Variants in HS6ST2 observed in about 807,000 individuals in gnomAD.
HS6ST2 encodes the protein heparan sulfate 6-O-sulfotransferase 2.
Under a neutral mutation model 33.0 loss-of-function variants are expected in HS6ST2, and 17 were observed. That is an observed-to-expected ratio of 0.52 (90% confidence interval 0.35 to 0.77). HS6ST2 has a LOEUF of 0.77. HS6ST2 is among the 30% of genes least tolerant of loss of function. The pLI, the probability that HS6ST2 is intolerant of heterozygous loss-of-function variation, is 0.01. For synonymous variants in HS6ST2, 248 were observed against 237.1 expected, an observed-to-expected ratio of 1.05 and a Z score of -0.42; for missense variants, 519 against 551.7, an observed-to-expected ratio of 0.94 and a Z score of 0.59.
chrX:132,854,158 C>T (rs2065830417), intron 2 of HS6ST2, among the ~76,000 whole-genome samples: 1 of 112,523 alleles, frequency 8.9e-6, no homozygotes, highest in South Asian at 3.7e-4. Flanking sequence ...ACAGCTTTTA[C>T]TCTATCGCTA....
intron 2 of HS6ST2, among the ~76,000 whole-genome samples, chrX:132,923,254 C>G (rs753985647): frequency 1.8e-5 from 2 of 110,771 alleles, no homozygotes; most frequent in South Asian, 7.8e-4. Context: ...TCTTATCAGA[C>G]TTAAGGTCTG....
intron 2 of HS6ST2, among the ~76,000 whole-genome samples, chrX:132,723,424 C>T (rs1463685692): frequency 9.0e-6 from 1 of 111,716 alleles, no homozygotes; most frequent in South Asian, 3.8e-4. Flanking sequence ...AAATCCTCAA[C>T]AAAACACTAG....
At chrX:132,840,584 G>A (rs2065699058) in intron 2 of HS6ST2, among the ~76,000 whole-genome samples, 1 of 111,494 alleles carries the variant, frequency 9.0e-6, no homozygotes, top group South Asian at 3.8e-4. Flanking sequence ...GTGTGAAAAT[G>A]CCTAGTACAG....
chrX:132,654,356 T>C (rs139558159), intron 4 of HS6ST2, among the ~76,000 whole-genome samples: 2 of 111,177 alleles, frequency 1.8e-5, no homozygotes, highest in South Asian at 7.6e-4. Context: ...TACTCTCAGG[T>C]ATAATTTCTC....
chrX:132,828,716 A>T (rs183705996), intron 2 of HS6ST2, among the ~76,000 whole-genome samples: 10 of 81,815 alleles, frequency 1.2e-4, no homozygotes, highest in South Asian at 5.1e-4. Context: ...ACACACACAC[A>T]CACACACACA....
intron 2 of HS6ST2, among the ~76,000 whole-genome samples, chrX:132,813,358 A>AC (rs1157197836): frequency 1.4e-4 from 16 of 110,805 alleles, no homozygotes; most frequent in African/African-American, 5.3e-4. Context: ...TCCTCTTGCT[A>AC]CCTCTCCAAC....
intron 2 of HS6ST2, among the ~76,000 whole-genome samples, chrX:132,711,142 C>T (rs182122449): frequency 2.8e-4 from 31 of 111,828 alleles, no homozygotes; most frequent in Non-Finnish European, 5.1e-4. Context: ...ATCCAATAAG[C>T]AGGGAAGGCA....
intron 1 of HS6ST2, 57 bp downstream of exon 1, chrX:132,958,118 A>C: frequency 9.5e-7 from 1 of 1,053,688 alleles, no homozygotes; most frequent in East Asian, 3.3e-5. Flanking sequence ...CCCTCCCCGT[A>C]CAGCACCTTC....
rs996629360 is a variant in HS6ST2, at chrX:132,864,975, A to G, written c.947+91833T>C. Among the ~76,000 whole-genome samples the G allele has an allele frequency of 4.5e-5, 5 of 110,556 alleles. No individual in the cohort carries two copies. In the East Asian group the frequency reaches 1.4e-3, roughly 32 times the overall value. ...ATATTCAACATTCTTAAAGAAAACA[A>G]TTTTTTTTATTATTATTATACTTTA... On this transcript the variant is annotated intron_variant, in intron 2 of 4. Transcript: ENST00000370833.
chrX:132,831,776 G>A (rs1030278429), intron 2 of HS6ST2, among the ~76,000 whole-genome samples: 1 of 112,183 alleles, frequency 8.9e-6, no homozygotes. Context: ...TAAAGCAACA[G>A]GATGAATCTG....
chrX:132,772,249 C>T (rs944214433), intron 2 of HS6ST2, among the ~76,000 whole-genome samples: 4 of 111,190 alleles, frequency 3.6e-5, no homozygotes, highest in African/African-American at 6.5e-5. Flanking sequence ...TGCACAGATG[C>T]TGTGAAATGA....
intron 2 of HS6ST2, among the ~76,000 whole-genome samples, chrX:132,933,665 C>T (rs2066797315): frequency 1.8e-5 from 2 of 111,584 alleles, no homozygotes; most frequent in Admixed American, 1.9e-4. Context: ...CTAACACAGA[C>T]ATACCATACT....
chrX:132,787,486 G>A (rs1438311639), intron 2 of HS6ST2, among the ~76,000 whole-genome samples: 11 of 97,296 alleles, frequency 1.1e-4, no homozygotes, highest in African/African-American at 4.3e-4. Flanking sequence ...AGAGATGGGG[G>A]TTTCACCATT....
intron 2 of HS6ST2, among the ~76,000 whole-genome samples, chrX:132,813,438 G>A (rs1376413959): frequency 1.8e-5 from 2 of 111,232 alleles, no homozygotes; most frequent in African/African-American, 6.5e-5. Flanking sequence ...TATTCCCCAG[G>A]GTTCCATCCT....
At chrX:132,702,504 A>G (rs2064153283) in intron 3 of HS6ST2, among the ~76,000 whole-genome samples, 1 of 112,281 alleles carries the variant, frequency 8.9e-6, no homozygotes, top group South Asian at 3.7e-4. Context: ...CTTCAGGACT[A>G]GCTGAAGGGA....
chrX:132,738,800 C>T (rs1364298716), intron 2 of HS6ST2, among the ~76,000 whole-genome samples: 2 of 111,964 alleles, frequency 1.8e-5, no homozygotes, highest in Non-Finnish European at 3.8e-5. Context: ...TGTGGCCCCA[C>T]ATCCAAGCAC....
chrX:132,867,207 CA>C (rs1473422997), intron 2 of HS6ST2, among the ~76,000 whole-genome samples: 1 of 106,695 alleles, frequency 9.4e-6, no homozygotes, highest in African/African-American at 3.5e-5. Context: ...TGAATTTTGT[CA>C]AAGGCCTTTT....
At chrX:132,771,175 T>G (rs2064895029) in intron 2 of HS6ST2, among the ~76,000 whole-genome samples, 1 of 111,857 alleles carries the variant, frequency 8.9e-6, no homozygotes, top group East Asian at 2.8e-4. Flanking sequence ...TAGTAGGTGC[T>G]CAGTAAATAT....
intron 2 of HS6ST2, among the ~76,000 whole-genome samples, chrX:132,745,805 T>A (rs1203741232): frequency 8.9e-6 from 1 of 111,744 alleles, no homozygotes; most frequent in Non-Finnish European, 1.9e-5. Context: ...ATCTAGAGAG[T>A]GTTTCCAAGG....
Sources: gnomAD v4.1 joint callset for allele counts (sites outside exome capture counted in the v4.1 genomes callset) on GRCh38, gnomAD v4.1.1 for gene constraint, MANE v1.5 for transcripts, NCBI Gene and HGNC (gene_info 2026-07-23, HGNC 2026-07-21) for gene names.